HM13: variants seen among roughly 807,000 people sequenced by gnomAD.
HM13 encodes the protein histocompatibility minor 13.
In HM13, 18 loss-of-function variants were observed where a neutral mutation model predicts 50.0. The ratio of observed to expected loss-of-function variants is 0.36; its 90% CI spans 0.25 to 0.53. The LOEUF is 0.53. Among genes scored for constraint, HM13 ranks in the 20% least tolerant of loss-of-function variants. HM13 has a pLI of 0.90. For missense variants in HM13, 393 were observed against 552.4 expected, an observed-to-expected ratio of 0.71 and a Z score of 2.89; for synonymous variants, 197 against 232.6, an observed-to-expected ratio of 0.85 and a Z score of 1.39.
chr20:31,546,592 A>T (rs1983732643), intron 4 of HM13, among the ~76,000 whole-genome samples: 1 of 151,790 alleles, frequency 6.6e-6, no homozygotes, highest in Admixed American at 6.6e-5. Flanking sequence ...CTCTACTAAA[A>T]ACACAAAAAA....
intron 10 of HM13, chr20:31,564,099 A>C (rs936441428): frequency 6.6e-6 from 1 of 151,834 alleles, no homozygotes; most frequent in African/African-American, 2.4e-5. Context: ...AAAAGAATGA[A>C]GTTTCCTCAC....
intron 10 of HM13, among the ~76,000 whole-genome samples, chr20:31,565,530 T>A (rs1984861867): frequency 6.6e-6 from 1 of 152,070 alleles, no homozygotes; most frequent in Admixed American, 6.5e-5. Context: ...TGGGCTATTT[T>A]CCCTCTCCTT....
intron 10 of HM13, among the ~76,000 whole-genome samples, chr20:31,565,669 C>T (rs758578243): frequency 3.9e-5 from 6 of 152,068 alleles, no homozygotes; most frequent in Non-Finnish European, 7.3e-5. Flanking sequence ...TTAGTATAAC[C>T]GTCCTTTTCT....
intron 4 of HM13, 64 bp downstream of exon 4, chr20:31,545,099 C>T: frequency 7.7e-7 from 1 of 1,293,886 alleles, no homozygotes; most frequent in Non-Finnish European, 1.1e-6. Flanking sequence ...TTCCCTTTGT[C>T]TCTCCAATAT....
At chr20:31,561,035 T>C (rs752042641) in intron 9 of HM13, among the ~76,000 whole-genome samples, 27 of 152,246 alleles carry the variant, frequency 1.8e-4, no homozygotes, top group Non-Finnish European at 2.9e-4. Context: ...AAGCTGATCT[T>C]GGATGAATCA....
intron 6 of HM13, among the ~76,000 whole-genome samples, chr20:31,549,851 A>T (rs1983932948): frequency 6.6e-6 from 1 of 152,152 alleles, no homozygotes; most frequent in Non-Finnish European, 1.5e-5. Context: ...GGCTTGGGCC[A>T]TCAGAGGTCT....
intron 8 of HM13, 116 bp from the exon 9 acceptor site, chr20:31,559,495 G>T: frequency 2.0e-6 from 2 of 985,742 alleles, no homozygotes; most frequent in Non-Finnish European, 3.3e-6. Context: ...CACACCCTTG[G>T]TCTCCAATGA....
At chr20:31,524,796 C>T (rs1033524300) in intron 1 of HM13, among the ~76,000 whole-genome samples, 1 of 150,248 alleles carries the variant, frequency 6.7e-6, no homozygotes, top group Non-Finnish European at 1.5e-5. Flanking sequence ...TCACTGCACG[C>T]TCCGCCTCCC....
intron 8 of HM13, among the ~76,000 whole-genome samples, chr20:31,558,752 C>G (rs1600665317): frequency 6.6e-6 from 1 of 151,858 alleles, no homozygotes; most frequent in Non-Finnish European, 1.5e-5. Flanking sequence ...GAGACAGAGT[C>G]TCACTCTGTC....
At chr20:31,537,451 C>A (rs537036789) in intron 2 of HM13, among the ~76,000 whole-genome samples, 3 of 152,314 alleles carry the variant, frequency 2.0e-5, no homozygotes, top group East Asian at 3.9e-4. Flanking sequence ...TTCCCTATAC[C>A]CCACACAACA....
chr20:31,561,488 G>A (rs144016402), intron 9 of HM13, 146 bp from the exon 10 acceptor site: 25 of 651,732 alleles, frequency 3.8e-5, no homozygotes, highest in East Asian at 5.5e-5. Flanking sequence ...CAGTATCAGC[G>A]TGCACACCCA....
intron 11 of HM13, 22 bp from the exon 12 acceptor site, chr20:31,568,056 C>G (rs1235972102): frequency 6.4e-7 from 1 of 1,560,788 alleles, no homozygotes; most frequent in Non-Finnish European, 8.7e-7. Context: ...TTTTTTCTGT[C>G]TCTTCTCTCT....
chr20:31,566,114 C>A, intron 10 of HM13, 96 bp from the exon 11 acceptor site: 1 of 859,552 alleles, frequency 1.2e-6, no homozygotes, highest in Non-Finnish European at 1.9e-6. Context: ...CAGTCACTGT[C>A]CTTCAGTCCA....
intron 8 of HM13, among the ~76,000 whole-genome samples, chr20:31,555,562 A>C (rs1022887720): frequency 6.6e-6 from 1 of 152,152 alleles, no homozygotes; most frequent in Non-Finnish European, 1.5e-5. Flanking sequence ...GAGCTGCTGA[A>C]GTGGCTGAGG....
At chr20:31,546,976 A>G (rs1394503831) in intron 4 of HM13, among the ~76,000 whole-genome samples, 1 of 152,150 alleles carries the variant, frequency 6.6e-6, no homozygotes, top group Non-Finnish European at 1.5e-5. Flanking sequence ...ACAGTCTTCA[A>G]GGTCCCAGGC....
At chr20:31,547,664 G>C in intron 4 of HM13, 1 of 1,528,190 alleles carries the variant, frequency 6.5e-7, no homozygotes, top group Non-Finnish European at 8.9e-7. Flanking sequence ...AAAATAGTCC[G>C]ATGCCACGAA....
At chr20:31,560,296 C>T (rs6059984) in intron 9 of HM13, among the ~76,000 whole-genome samples, 41,663 of 152,118 alleles carry the variant, frequency 0.27, 8,613 homozygotes, top group African/African-American at 0.58. Context: ...TTTTATGCCC[C>T]GTCATCCCTG....
At chr20:31,539,261 T>C in intron 3 of HM13, 2 of 985,558 alleles carry the variant, frequency 2.0e-6, no homozygotes, top group Non-Finnish European at 2.4e-6. Flanking sequence ...ATTCCCCAGC[T>C]TGTGACTACA....
At chr20:31,546,870 G>GT (rs1462866546) in intron 4 of HM13, among the ~76,000 whole-genome samples, 1 of 151,784 alleles carries the variant, frequency 6.6e-6, no homozygotes, top group Non-Finnish European at 1.5e-5. Flanking sequence ...CGAGGCTGCA[G>GT]TAAGCCACGG....
Sources: gnomAD v4.1 joint callset for allele counts (sites outside exome capture counted in the v4.1 genomes callset) on GRCh38, gnomAD v4.1.1 for gene constraint, MANE v1.5 for transcripts, NCBI Gene and HGNC (gene_info 2026-07-23, HGNC 2026-07-21) for gene names.